Variants in CEP85L observed in about 807,000 individuals in gnomAD.
CEP85L encodes the protein centrosomal protein 85L, also known as centrosomal protein of 85 kDa-like.
Under a neutral mutation model 100.3 loss-of-function variants are expected in CEP85L, and 60 were observed. The ratio of observed to expected loss-of-function variants is 0.60; its 90% CI spans 0.49 to 0.74. The LOEUF (loss-of-function observed/expected upper bound fraction) is 0.74. CEP85L is among the 30% of genes least tolerant of loss of function. The pLI is 0.00. For missense variants in CEP85L, 973 were observed against 936.2 expected (o/e 1.04, Z -0.51); for synonymous variants, 319 against 322.7 (o/e 0.99, Z 0.12).
intron 2 of CEP85L, among the ~76,000 whole-genome samples, chr6:118,621,767 C>T (rs569006886): frequency 6.6e-6 from 1 of 152,334 alleles, no homozygotes; most frequent in East Asian, 1.9e-4. Flanking sequence ...CTGGCTTATC[C>T]TCGCCCTAAG....
intron 5 of CEP85L, among the ~76,000 whole-genome samples, chr6:118,496,294 C>A (rs1313337941): frequency 6.6e-6 from 1 of 152,088 alleles, no homozygotes; most frequent in Non-Finnish European, 1.5e-5. Flanking sequence ...GAGATGGACG[C>A]AGGGCACACA....
chr6:118,617,248 G>A (rs1446175324), intron 2 of CEP85L, among the ~76,000 whole-genome samples: 1 of 152,054 alleles, frequency 6.6e-6, no homozygotes, highest in Non-Finnish European at 1.5e-5. Flanking sequence ...CTAACACCAG[G>A]ATTTACTTAT....
intron 1 of CEP85L, among the ~76,000 whole-genome samples, chr6:118,672,975 T>C (rs933651079): frequency 2.6e-5 from 4 of 152,102 alleles, no homozygotes; most frequent in African/African-American, 9.7e-5. Flanking sequence ...TTGGGTGTAA[T>C]TGAGGTTCAC....
At position 118,651,258 on chromosome 6, in the gene CEP85L, G is replaced by A; in HGVS notation, c.12C>T (p.Arg4=). 6.7e-7 allele frequency: 1 copy of A among 1,491,634 alleles called. No individual in the cohort carries two copies. Among genetic ancestry groups the A allele is most frequent in the South Asian group, 1.3e-5 (1 of 79,698 alleles). The allele number at this position is 1,491,634 out of a possible 1,614,324, so 92.4% of individuals were successfully genotyped here. A position where few individuals can be genotyped will look rare whatever the true frequency, so the allele number is the denominator to read the frequency against. Residue 4 remains arginine, a synonymous_variant, in exon 1 of 13, where the codon CGC becomes CGT. Transcript: ENST00000368491. MWG[R]FLAPEASGRD... ...GGCCGCTGGCCTCCGGAGCCAGGAAGCGCCCCCACATCGCGGGCGAGAGGG... is the reference window on the plus strand; with the variant it reads ...GGCCGCTGGCCTCCGGAGCCAGGAAACGCCCCCACATCGCGGGCGAGAGGG...
At chr6:118,479,739 C>A in intron 10 of CEP85L, 132 bp downstream of exon 10, 1 of 443,738 alleles carries the variant, frequency 2.3e-6, no homozygotes, top group Non-Finnish European at 4.0e-6. Flanking sequence ...AAAGAATTTG[C>A]AACTTTACCT....
chr6:118,593,108 CAG>C (rs1187773812), intron 2 of CEP85L, among the ~76,000 whole-genome samples: 2 of 152,054 alleles, frequency 1.3e-5, no homozygotes, highest in African/African-American at 4.8e-5. Flanking sequence ...GGAAAAGAGA[CAG>C]AGCCCCTGGG....
intron 3 of CEP85L, among the ~76,000 whole-genome samples, chr6:118,549,718 C>T (rs996716230): frequency 1.1e-4 from 17 of 151,796 alleles, no homozygotes; most frequent in African/African-American, 3.9e-4. Flanking sequence ...GTTATTTGTG[C>T]ATTTTTATTC....
intron 1 of CEP85L, among the ~76,000 whole-genome samples, chr6:118,692,711 T>A (rs1159566700): frequency 1.5e-5 from 1 of 65,510 alleles, no homozygotes; most frequent in Non-Finnish European, 3.8e-5. Flanking sequence ...CCACCACACT[T>A]TCAGACTTGG....
In CEP85L at chr6:118,511,424, C is replaced by A. The variant is rs200225462; in HGVS notation, c.1140-9G>T. On this transcript the variant is annotated splice_polypyrimidine_tract_variant and intron_variant, in intron 4 of 12. Transcript: ENST00000368491. ...TAATTTGTTGCTTCTGCCTGCAAAA[C>A]ATAAATTAAGGTCACATTATGAGTT... 1 of 1,554,976 alleles carries A rather than the reference C, an allele frequency of 6.4e-7. No homozygotes were observed. Among genetic ancestry groups the A allele is most frequent in the Non-Finnish European group, 8.9e-7 (1 of 1,127,122 alleles).
At chr6:118,626,020 G>A (rs1182703861) in intron 2 of CEP85L, among the ~76,000 whole-genome samples, 7 of 152,060 alleles carry the variant, frequency 4.6e-5, no homozygotes, top group South Asian at 2.1e-4. Context: ...GGGCCCCATC[G>A]TCGCCCCTAA....
chr6:118,464,622 A>C lies in CEP85L; in HGVS notation c.*783T>G, dbSNP rs921226995. The C allele has an allele frequency of 2.0e-5, 3 of 151,866 alleles. No individual in the cohort carries two copies. Among genetic ancestry groups the C allele is most frequent in the Admixed American group, 2.0e-4 (3 of 15,216 alleles). 9.4% of individuals were successfully genotyped at this position (151,866 alleles called of 1,614,324 possible). A position where few individuals can be genotyped will look rare whatever the true frequency, so the allele number is the denominator to read the frequency against. On this transcript the variant is annotated 3_prime_UTR_variant, in exon 13 of 13. Coordinates refer to ENST00000368491, the MANE Select transcript of CEP85L (RefSeq NM_001042475.3). ...TATATATAAAACATATAAATAAAAA[A>C]TTGTAAATAGTAAGGAACATGTTAA...
At chr6:118,652,412 G>T, upstream of CEP85L, 1 of 1,120,948 alleles carries the variant, frequency 8.9e-7, no homozygotes, top group South Asian at 2.4e-5. Flanking sequence ...ACTTCTCACT[G>T]GCAATATGGT....
intron 2 of CEP85L, among the ~76,000 whole-genome samples, chr6:118,577,560 T>C (rs1780316225): frequency 6.6e-6 from 1 of 152,120 alleles, no homozygotes; most frequent in Non-Finnish European, 1.5e-5. Flanking sequence ...CTGGATAAAT[T>C]ACATTTACCA....
intron 2 of CEP85L, among the ~76,000 whole-genome samples, chr6:118,587,664 T>C (rs753601883): frequency 4.6e-5 from 7 of 152,144 alleles, no homozygotes; most frequent in Non-Finnish European, 1.0e-4. Flanking sequence ...CAGTGGCGGC[T>C]TACTGATCTG....
rs115036302 is a variant in CEP85L, at chr6:118,661,342, T to G, written c.-27-8534A>C. On this transcript the variant is annotated intron_variant, in intron 1 of 13. Transcript: ENST00000368488. ...TCCTATTAATGCACACGAGAGTAGA[T>G]TAGAACCTATATCCAGAGTATTTTT... Among the ~76,000 whole-genome samples, 718 of 152,246 alleles carry G rather than the reference T, an allele frequency of 4.7e-3. 9 individuals are homozygous for G. Among genetic ancestry groups the G allele is most frequent in the African/African-American group, 0.013 (525 of 41,512 alleles).
At chr6:118,500,118 T>C (rs2114655876) in intron 5 of CEP85L, among the ~76,000 whole-genome samples, 1 of 151,076 alleles carries the variant, frequency 6.6e-6, no homozygotes, top group South Asian at 2.1e-4. Context: ...CTAGGCAACA[T>C]AGTGAGACCT....
chr6:118,468,226 T>C (rs1772677705), intron 12 of CEP85L, among the ~76,000 whole-genome samples: 2 of 152,206 alleles, frequency 1.3e-5, no homozygotes, highest in South Asian at 2.1e-4. Context: ...AAAATAACTA[T>C]TATGATGCAA....
intron 6 of CEP85L, among the ~76,000 whole-genome samples, chr6:118,489,477 T>G (rs933164977): frequency 7.2e-5 from 11 of 152,250 alleles, no homozygotes; most frequent in Admixed American, 2.0e-4. Context: ...CCAGGACACC[T>G]CATGTATAAC....
At chr6:118,528,560 C>T (rs1412948514) in intron 3 of CEP85L, among the ~76,000 whole-genome samples, 2 of 152,110 alleles carry the variant, frequency 1.3e-5, no homozygotes, top group Non-Finnish European at 2.9e-5. Context: ...CAGCAGTCTT[C>T]CTTATGATAG....
Sources: allele counts gnomAD v4.1 joint callset (sites outside exome capture counted in the v4.1 genomes callset), GRCh38; gene constraint gnomAD v4.1.1; transcripts MANE v1.5; gene names NCBI Gene and HGNC (gene_info 2026-07-23, HGNC 2026-07-21).